Variants in FRMD3 observed in about 807,000 individuals in gnomAD.
The protein encoded by FRMD3 is FERM domain-containing protein 3.
In FRMD3, 33 loss-of-function variants were observed where a neutral mutation model predicts 70.2. That is an observed-to-expected ratio of 0.47 (90% confidence interval 0.36 to 0.63). FRMD3 has a LOEUF of 0.63. Ranked by LOEUF, FRMD3 falls within the 20% of genes least tolerant of loss-of-function variation. The pLI is 0.00. For missense variants in FRMD3, 632 were observed against 711.4 expected (o/e 0.89, Z 1.27); for synonymous variants, 279 against 255.9 (o/e 1.09, Z -0.86).
chr9:83,311,882 C>A lies in FRMD3; in HGVS notation c.773+5G>T. 1 of 1,590,260 alleles carries A rather than the reference C, an allele frequency of 6.3e-7. No homozygotes were observed. Among genetic ancestry groups the A allele is most frequent in the Non-Finnish European group, 8.6e-7 (1 of 1,162,056 alleles). ...GGAAAGCCAGTTTTCCAAAGAGGCACTTACCATTTTATCAAATGGATTCTC... is the reference window on the plus strand; with the variant it reads ...GGAAAGCCAGTTTTCCAAAGAGGCAATTACCATTTTATCAAATGGATTCTC... On this transcript the variant is annotated splice_donor_5th_base_variant and intron_variant, in intron 8 of 13. Coordinates refer to ENST00000304195, the MANE Select transcript of FRMD3 (RefSeq NM_174938.6).
At chr9:83,265,395 TAAAAAAAAAAA>T (rs59688591) in intron 13 of FRMD3, among the ~76,000 whole-genome samples, 8 of 77,420 alleles carry the variant, frequency 1.0e-4, no homozygotes, top group African/African-American at 3.5e-4. Context: ...GCGAGACTCT[TAAAAAAAAAAA>T]AAAAAAAAAA....
the FRMD3 span, among the ~76,000 whole-genome samples, chr9:83,560,892 A>T: frequency 6.6e-6 from 1 of 152,218 alleles, no homozygotes; most frequent in African/African-American, 2.4e-5. Flanking sequence ...ACTTTGAAAG[A>T]TTCTTGCTCC....
At chr9:83,472,359 G>A (rs541815831) in intron 1 of FRMD3, among the ~76,000 whole-genome samples, 5 of 152,272 alleles carry the variant, frequency 3.3e-5, no homozygotes, top group East Asian at 3.9e-4. Flanking sequence ...TGACACACAC[G>A]TGAAACATGC....
intron 3 of FRMD3, among the ~76,000 whole-genome samples, chr9:83,365,218 T>C (rs916342402): frequency 6.6e-5 from 10 of 152,320 alleles, no homozygotes; most frequent in African/African-American, 2.2e-4. Flanking sequence ...ATTTGAGAAT[T>C]ATTGAATGTA....
chr9:83,293,251 T>C (rs1245525575), intron 12 of FRMD3, among the ~76,000 whole-genome samples: 3 of 152,154 alleles, frequency 2.0e-5, no homozygotes, highest in Non-Finnish European at 4.4e-5. Flanking sequence ...GGGTTCTCAG[T>C]TTTTGAGCTC....
At chr9:83,358,892 G>C (rs561932546) in intron 3 of FRMD3, among the ~76,000 whole-genome samples, 1 of 152,042 alleles carries the variant, frequency 6.6e-6, no homozygotes, top group African/African-American at 2.4e-5. Context: ...AATGACGCTT[G>C]AGCACCTAAA....
intron 1 of FRMD3, among the ~76,000 whole-genome samples, chr9:83,447,085 G>A (rs1007302759): frequency 1.3e-5 from 2 of 152,112 alleles, no homozygotes; most frequent in African/African-American, 2.4e-5. Context: ...CTGCAGTGGC[G>A]CCATCTCGGC....
At chr9:83,411,172 T>G (rs191251192) in intron 1 of FRMD3, among the ~76,000 whole-genome samples, 3 of 152,338 alleles carry the variant, frequency 2.0e-5, no homozygotes, top group African/African-American at 7.2e-5. Flanking sequence ...TGCAGGCCAT[T>G]TCCTGTCCCA....
chr9:83,466,998 C>T (rs1256990009), intron 1 of FRMD3, among the ~76,000 whole-genome samples: 1 of 152,182 alleles, frequency 6.6e-6, no homozygotes, highest in Non-Finnish European at 1.5e-5. Context: ...CCTTTTCCCT[C>T]ACTGCAAATA....
intron 1 of FRMD3, among the ~76,000 whole-genome samples, chr9:83,507,734 A>ATATATATC (rs1829233002): frequency 8.7e-6 from 1 of 114,938 alleles, no homozygotes; most frequent in African/African-American, 3.1e-5. Context: ...ATATATATAT[A>ATATATATC]TATATCTTCT....
chr9:83,332,176 C>G (rs928791277), intron 6 of FRMD3, among the ~76,000 whole-genome samples: 1 of 152,150 alleles, frequency 6.6e-6, no homozygotes. Flanking sequence ...TAGAGATGAT[C>G]GATAACTATA....
chr9:83,541,964 G>A (rs796436947), upstream of FRMD3, among the ~76,000 whole-genome samples: 9 of 151,982 alleles, frequency 5.9e-5, no homozygotes, highest in African/African-American at 1.4e-4. Flanking sequence ...ATTTTTTACC[G>A]ATTGGGTCCC....
chr9:83,484,951 T>C (rs1483589524), intron 1 of FRMD3, among the ~76,000 whole-genome samples: 2 of 152,254 alleles, frequency 1.3e-5, no homozygotes, highest in Admixed American at 6.5e-5. Flanking sequence ...AGTCCACTTC[T>C]GTGGATATTA....
intron 1 of FRMD3, among the ~76,000 whole-genome samples, chr9:83,504,525 C>G (rs536751652): frequency 1.3e-5 from 2 of 152,228 alleles, no homozygotes; most frequent in South Asian, 4.2e-4. Flanking sequence ...ACTCGCCAAG[C>G]TCCCTTCTGC....
the FRMD3 span, among the ~76,000 whole-genome samples, chr9:83,557,238 T>C: frequency 6.6e-6 from 1 of 152,202 alleles, no homozygotes; most frequent in African/African-American, 2.4e-5. Context: ...AATGAAGCAA[T>C]GGCGCCATGC....
intron 1 of FRMD3, among the ~76,000 whole-genome samples, chr9:83,461,538 A>G (rs895910328): frequency 1.3e-5 from 2 of 152,206 alleles, no homozygotes; most frequent in East Asian, 1.9e-4. Context: ...GCTGAGTCCT[A>G]AAGGATGAAC....
chr9:83,478,521 G>T (rs1218705205), intron 1 of FRMD3, among the ~76,000 whole-genome samples: 1 of 152,176 alleles, frequency 6.6e-6, no homozygotes, highest in East Asian at 1.9e-4. Flanking sequence ...GTGTTGGAAA[G>T]GGTGTGGAGA....
chr9:83,505,782 G>C (rs1056715517), intron 1 of FRMD3, among the ~76,000 whole-genome samples: 5 of 152,202 alleles, frequency 3.3e-5, no homozygotes, highest in Admixed American at 1.3e-4. Context: ...CCTAGGATGA[G>C]GGAAGAAAGT....
At chr9:83,317,372 C>T (rs987798850) in intron 6 of FRMD3, among the ~76,000 whole-genome samples, 3 of 152,080 alleles carry the variant, frequency 2.0e-5, no homozygotes, top group African/African-American at 7.2e-5. Flanking sequence ...TGAACCAGGA[C>T]CAGAGCCAAA....
Sources: allele counts gnomAD v4.1 joint callset (sites outside exome capture counted in the v4.1 genomes callset), GRCh38; gene constraint gnomAD v4.1.1; transcripts MANE v1.5; gene names NCBI Gene and HGNC (gene_info 2026-07-23, HGNC 2026-07-21).